The following SEPTIN11 variants were observed in gnomAD, a reference collection of about 807,000 sequenced individuals.
SEPTIN11 encodes the protein septin-11.
A neutral mutation model predicts 51.4 loss-of-function variants in SEPTIN11; 25 were observed. The observed-to-expected ratio is 0.49, with a 90% confidence interval of 0.35 to 0.68. The LOEUF is 0.68. Among genes scored for constraint, SEPTIN11 ranks in the 30% least tolerant of loss-of-function variants. The pLI, the probability that SEPTIN11 is intolerant of heterozygous loss-of-function variation, is 0.00. For synonymous variants in SEPTIN11, 174 were observed against 184.1 expected (o/e 0.95, Z 0.44); for missense variants, 381 against 520.8 (o/e 0.73, Z 2.61).
At chr4:77,023,404 C>T (rs1578199138) in intron 7 of SEPTIN11, among the ~76,000 whole-genome samples, 1 of 147,726 alleles carries the variant, frequency 6.8e-6, no homozygotes, top group African/African-American at 2.5e-5. Context: ...TATATATACA[C>T]ACACATATAT....
chr4:77,005,461 A>C, intron 2 of SEPTIN11, 140 bp from the exon 3 acceptor site: 3 of 692,530 alleles, frequency 4.3e-6, no homozygotes, highest in South Asian at 4.6e-5. Context: ...AGAAAGAATT[A>C]TCTCTTCACA....
chr4:76,952,661 T>C (rs1257361443), intron 1 of SEPTIN11, among the ~76,000 whole-genome samples: 1 of 152,248 alleles, frequency 6.6e-6, no homozygotes, highest in Admixed American at 6.5e-5. Context: ...AAAACAAAGC[T>C]TCAATTTAGT....
intron 1 of SEPTIN11, among the ~76,000 whole-genome samples, chr4:76,982,642 A>G (rs2109917153): frequency 6.6e-6 from 1 of 152,346 alleles, no homozygotes. Flanking sequence ...TCATCATGAA[A>G]CATTTCAAAA....
chr4:76,956,335 T>C (rs531710933), intron 1 of SEPTIN11, among the ~76,000 whole-genome samples: 1 of 152,290 alleles, frequency 6.6e-6, no homozygotes, highest in South Asian at 2.1e-4. Flanking sequence ...AGGAAGAAGT[T>C]GTCAGTTAAT....
chr4:76,973,303 C>T (rs1439486635), intron 1 of SEPTIN11, among the ~76,000 whole-genome samples: 3 of 152,208 alleles, frequency 2.0e-5, no homozygotes, highest in East Asian at 3.8e-4. Context: ...TTTTCCAGCC[C>T]CAGCCTTGTT....
chr4:76,998,179 C>T (rs1723865274), intron 2 of SEPTIN11, among the ~76,000 whole-genome samples: 1 of 152,138 alleles, frequency 6.6e-6, no homozygotes, highest in Non-Finnish European at 1.5e-5. Flanking sequence ...AGATATTTGT[C>T]AGGTTCTATT....
intron 1 of SEPTIN11, among the ~76,000 whole-genome samples, chr4:76,956,170 G>A (rs966130959): frequency 6.6e-6 from 1 of 152,188 alleles, no homozygotes; most frequent in Admixed American, 6.5e-5. Context: ...CCTGCTGTTG[G>A]AGGGCAAAAG....
intron 1 of SEPTIN11, among the ~76,000 whole-genome samples, chr4:76,971,511 A>G (rs908568447): frequency 1.1e-4 from 16 of 152,032 alleles, no homozygotes; most frequent in Non-Finnish European, 2.1e-4. Context: ...CATGGACTTC[A>G]TGCAGACATC....
chr4:77,029,988 G>A (rs1374310799), intron 8 of SEPTIN11, among the ~76,000 whole-genome samples: 3 of 152,160 alleles, frequency 2.0e-5, no homozygotes, highest in African/African-American at 7.2e-5. Context: ...GCCAGGTGCA[G>A]TGGTTCACGC....
intron 1 of SEPTIN11, among the ~76,000 whole-genome samples, chr4:76,966,349 G>A (rs1004615869): frequency 3.3e-5 from 5 of 152,136 alleles, no homozygotes; most frequent in African/African-American, 1.2e-4. Flanking sequence ...TAGTTATCCT[G>A]TGCTTTTTAT....
Position 76,969,663 on chromosome 4 carries a change from C to T in SEPTIN11, c.27+19733C>T, listed in dbSNP as rs146058047. 3.0e-3 allele frequency among the ~76,000 whole-genome samples: 459 copies of T among 152,186 alleles called. 5 individuals carry two copies. The highest frequency in any genetic ancestry group is 1.0e-2 in the African/African-American group (414 of 41,514). ...TCGATAGGAGTAGGGTAAACTCTAC[C>T]GACTTCATGGTTCATAAAGATTAGA... On this transcript the variant is annotated intron_variant, in intron 1 of 9. Coordinates refer to ENST00000264893, the MANE Select transcript of SEPTIN11 (RefSeq NM_018243.4).
chr4:77,007,517 G>A (rs1724570267), intron 3 of SEPTIN11, among the ~76,000 whole-genome samples: 1 of 152,092 alleles, frequency 6.6e-6, no homozygotes, highest in Non-Finnish European at 1.5e-5. Flanking sequence ...TTTCCCTCGG[G>A]CTGCTGGTGG....
At chr4:76,995,873 G>A in intron 1 of SEPTIN11, 2 of 1,535,626 alleles carry the variant, frequency 1.3e-6, no homozygotes, top group South Asian at 1.2e-5. Flanking sequence ...CAAGAAACCT[G>A]TAAAACTAAT....
chr4:76,994,833 G>T (rs1458613742), intron 1 of SEPTIN11, among the ~76,000 whole-genome samples: 2 of 138,036 alleles, frequency 1.4e-5, no homozygotes, highest in Non-Finnish European at 3.1e-5. Flanking sequence ...TCTTGATTAT[G>T]TAACATAAAA....
chr4:76,993,037 A>G (rs1206485001), intron 1 of SEPTIN11, among the ~76,000 whole-genome samples: 2 of 132,624 alleles, frequency 1.5e-5, no homozygotes, highest in Non-Finnish European at 3.4e-5. Context: ...GATCCCCTTG[A>G]TGGCAAGGTG....
intron 1 of SEPTIN11, among the ~76,000 whole-genome samples, chr4:76,961,309 TA>T (rs1721817209): frequency 6.6e-6 from 1 of 152,278 alleles, no homozygotes; most frequent in South Asian, 2.1e-4. Flanking sequence ...AAGGCGAGGA[TA>T]AAAAGGGCAC....
intron 3 of SEPTIN11, among the ~76,000 whole-genome samples, chr4:77,007,111 G>C (rs762903341): frequency 6.6e-6 from 1 of 152,332 alleles, no homozygotes; most frequent in Non-Finnish European, 1.5e-5. Context: ...CAATGACAGG[G>C]AATGATGGAG....
chr4:77,039,860 A>G (rs1727265862), downstream of SEPTIN11: 1 of 492,110 alleles, frequency 2.0e-6, no homozygotes, highest in African/African-American at 2.1e-5. Context: ...GTTGTTTTGG[A>G]TTTGGGACTA....
intron 1 of SEPTIN11, chr4:76,974,825 A>G: frequency 2.2e-6 from 1 of 456,672 alleles, no homozygotes; most frequent in Admixed American, 2.3e-5. Context: ...ACCCTTTGTA[A>G]GAAATGTGAG....
Sources: allele counts gnomAD v4.1 joint callset (sites outside exome capture counted in the v4.1 genomes callset), GRCh38; gene constraint gnomAD v4.1.1; transcripts MANE v1.5; gene names NCBI Gene and HGNC (gene_info 2026-07-23, HGNC 2026-07-21).